The following C1QTNF3 variants were observed in gnomAD, a reference collection of about 807,000 sequenced individuals.
C1QTNF3 encodes C1q and TNF related 3.
A neutral mutation model predicts 32.6 loss-of-function variants in C1QTNF3; 26 were observed. The ratio of observed to expected loss-of-function variants is 0.80; its 90% CI spans 0.58 to 1.11. C1QTNF3 has a LOEUF of 1.11. Among genes scored for constraint, C1QTNF3 ranks in the 50% least tolerant of loss-of-function variants. The pLI is 0.00. For synonymous variants in C1QTNF3, 155 were observed against 146.0 expected, an observed-to-expected ratio of 1.06 and a Z score of -0.44; for missense variants, 362 against 398.2, an observed-to-expected ratio of 0.91 and a Z score of 0.77.
chr5:34,157,369 T>C, the C1QTNF3 span, among the ~76,000 whole-genome samples: 1 of 152,152 alleles, frequency 6.6e-6, no homozygotes, highest in African/African-American at 2.4e-5. Context: ...ATGAACAAAA[T>C]CATTATTGAG....
At position 34,033,320 on chromosome 5, in the gene C1QTNF3, A is replaced by G. The variant is rs1397662918; in HGVS notation, c.554T>C (p.Ile185Thr). The G allele has an allele frequency of 1.2e-6, 2 of 1,613,608 alleles. No homozygotes were observed. The highest frequency in any genetic ancestry group is 1.7e-6 in the Non-Finnish European group (2 of 1,179,802). ...GPKGEKGYPGIPPELQIAFMA... is the reference protein window; with the variant it reads ...GPKGEKGYPGTPPELQIAFMA... ...ATGGTTTACCTGAAGTTCTGGTGGA[A>G]TCCCCGGGTAGCCCTTCTCTCCTTT... Residue 185 changes from isoleucine (I) to threonine (T), a missense_variant, in exon 3 of 6, where the codon ATT becomes ACT. Physicochemically the swap from Ile to Thr is moderately conservative, Grantham distance 89 (BLOSUM62 -1). Coordinates refer to ENST00000382065, the MANE Select transcript of C1QTNF3 (RefSeq NM_181435.6).
the C1QTNF3 span, among the ~76,000 whole-genome samples, chr5:34,070,854 C>T: frequency 6.6e-6 from 1 of 151,992 alleles, no homozygotes; most frequent in Non-Finnish European, 1.5e-5. Context: ...GGCTAAAATG[C>T]GGTATTCATT....
At chr5:34,117,124 A>C in the C1QTNF3 span, among the ~76,000 whole-genome samples, 1 of 151,862 alleles carries the variant, frequency 6.6e-6, no homozygotes, top group Non-Finnish European at 1.5e-5. Flanking sequence ...TGTGGGAGTG[A>C]TATCTAATAC....
chr5:34,176,261 G>C, the C1QTNF3 span, among the ~76,000 whole-genome samples: 1 of 140,176 alleles, frequency 7.1e-6, no homozygotes, highest in African/African-American at 2.6e-5. Flanking sequence ...TGTGCGGTGG[G>C]GGGAGGGGGG....
chr5:34,197,322 T>C, the C1QTNF3 span, among the ~76,000 whole-genome samples: 1 of 152,308 alleles, frequency 6.6e-6, no homozygotes, highest in Non-Finnish European at 1.5e-5. Flanking sequence ...TGGTCTGTAA[T>C]ATTCTTCAGA....
At chr5:34,201,579 T>C in the C1QTNF3 span, among the ~76,000 whole-genome samples, 7 of 152,126 alleles carry the variant, frequency 4.6e-5, no homozygotes, top group African/African-American at 1.7e-4. Context: ...CCAGTCTGTG[T>C]TCCAGACCTA....
chr5:34,063,596 A>G, the C1QTNF3 span, among the ~76,000 whole-genome samples: 3 of 152,214 alleles, frequency 2.0e-5, no homozygotes, highest in South Asian at 6.2e-4. Flanking sequence ...CTTCCTAGCC[A>G]TTTACAAACT....
chr5:34,036,049 T>C (rs1244087608), intron 1 of C1QTNF3, among the ~76,000 whole-genome samples: 1 of 152,222 alleles, frequency 6.6e-6, no homozygotes. Context: ...AGTGCCTTCC[T>C]GCTGCTACTG....
chr5:34,195,623 C>T, the C1QTNF3 span, among the ~76,000 whole-genome samples: 46 of 152,262 alleles, frequency 3.0e-4, no homozygotes, highest in Admixed American at 1.1e-3. Context: ...GGGTGGATCA[C>T]GAGGTCAGGA....
chr5:34,079,796 CCAGT>C, the C1QTNF3 span, among the ~76,000 whole-genome samples: 3 of 151,594 alleles, frequency 2.0e-5, no homozygotes, highest in East Asian at 5.8e-4. Context: ...TGGGGAGGTG[CCAGT>C]CAAAGGGTAC....
chr5:34,050,487 C>A, the C1QTNF3 span, among the ~76,000 whole-genome samples: 1 of 152,258 alleles, frequency 6.6e-6, no homozygotes, highest in Admixed American at 6.5e-5. Context: ...GAGGCCAAAG[C>A]AACTCCATTT....
At chr5:34,175,107 A>G in the C1QTNF3 span, among the ~76,000 whole-genome samples, 1 of 146,468 alleles carries the variant, frequency 6.8e-6, no homozygotes, top group East Asian at 2.1e-4. Flanking sequence ...GCAGTGGTGT[A>G]ATCACAGCTT....
At chr5:34,230,716 T>C in the C1QTNF3 span, among the ~76,000 whole-genome samples, 1 of 152,184 alleles carries the variant, frequency 6.6e-6, no homozygotes, top group East Asian at 1.9e-4. Flanking sequence ...AATATCTACA[T>C]GTCACTAGTA....
intron 4 of C1QTNF3, among the ~76,000 whole-genome samples, chr5:34,027,355 T>A (rs1047933750): frequency 2.0e-5 from 3 of 152,192 alleles, no homozygotes; most frequent in Admixed American, 6.5e-5. Context: ...ATACTGATAA[T>A]ATTCCTAAAA....
Position 34,024,141 on chromosome 5 carries a change from G to A in C1QTNF3, c.701-133C>T, listed in dbSNP as rs1173259262. Reference sequence around the variant, plus strand: ...TCTTTGTAGTATGGTGTCTCTCCTTGGCCTTAATTTGCAGGAATGTCCCTA... The same window carrying A: ...TCTTTGTAGTATGGTGTCTCTCCTTAGCCTTAATTTGCAGGAATGTCCCTA... On this transcript the variant is annotated intron_variant, in intron 4 of 5. Coordinates refer to ENST00000382065, the MANE Select transcript of C1QTNF3 (RefSeq NM_181435.6). 5 of 676,042 alleles carry A rather than the reference G, an allele frequency of 7.4e-6. No homozygotes were observed. In the Middle Eastern group the frequency reaches 1.1e-3, roughly 142 times the overall value. 41.9% of individuals were successfully genotyped at this position (676,042 alleles called of 1,614,324 possible). A position where few individuals can be genotyped will look rare whatever the true frequency, so the allele number is the denominator to read the frequency against.
chr5:34,171,220 G>T, the C1QTNF3 span, among the ~76,000 whole-genome samples: 1 of 151,656 alleles, frequency 6.6e-6, no homozygotes, highest in African/African-American at 2.4e-5. Flanking sequence ...GGTTTCCACC[G>T]AGATATTTTC....
chr5:34,066,685 A>G, the C1QTNF3 span, among the ~76,000 whole-genome samples: 2 of 152,200 alleles, frequency 1.3e-5, no homozygotes, highest in African/African-American at 4.8e-5. Flanking sequence ...CATACTCAAT[A>G]TTGAAACTAT....
At chr5:34,154,651 A>T in the C1QTNF3 span, among the ~76,000 whole-genome samples, 16 of 152,274 alleles carry the variant, frequency 1.1e-4, no homozygotes, top group African/African-American at 3.4e-4. Flanking sequence ...AATTCACTTA[A>T]TCTTTCTGCT....
At chr5:34,244,097 T>C in the C1QTNF3 span, among the ~76,000 whole-genome samples, 1 of 152,210 alleles carries the variant, frequency 6.6e-6, no homozygotes, top group African/African-American at 2.4e-5. Context: ...TAGTCTCTTA[T>C]GTCATTTTCA....
Sources: allele counts gnomAD v4.1 joint callset (sites outside exome capture counted in the v4.1 genomes callset), GRCh38; gene constraint gnomAD v4.1.1; transcripts MANE v1.5; gene names NCBI Gene and HGNC (gene_info 2026-07-23, HGNC 2026-07-21).